TOX: variants seen among roughly 807,000 people sequenced by gnomAD.
The protein encoded by TOX is thymocyte selection associated high mobility group box.
In TOX, 11 loss-of-function variants were observed where a neutral mutation model predicts 53.7. The ratio of observed to expected loss-of-function variants is 0.20; its 90% CI spans 0.13 to 0.34. The LOEUF (loss-of-function observed/expected upper bound fraction) is 0.34. Among genes scored for constraint, TOX ranks in the 10% least tolerant of loss-of-function variants. The pLI, the probability that TOX is intolerant of heterozygous loss-of-function variation, is 1.00. For missense variants in TOX, 570 were observed against 664.6 expected (o/e 0.86, Z 1.56); for synonymous variants, 225 against 245.3 (o/e 0.92, Z 0.77).
chr8:58,857,547 C>A (rs1212317604), intron 3 of TOX, among the ~76,000 whole-genome samples: 1 of 152,004 alleles, frequency 6.6e-6, no homozygotes, highest in Non-Finnish European at 1.5e-5. Context: ...CCAATTAATG[C>A]AAAACAAAAG....
chr8:58,931,453 C>T (rs1425082823), intron 3 of TOX, among the ~76,000 whole-genome samples: 1 of 152,192 alleles, frequency 6.6e-6, no homozygotes, highest in East Asian at 1.9e-4. Context: ...TAATAAATGT[C>T]AAATATTTGA....
intron 1 of TOX, among the ~76,000 whole-genome samples, chr8:58,980,087 A>C (rs781425035): frequency 2.6e-5 from 4 of 152,238 alleles, no homozygotes; most frequent in Non-Finnish European, 4.4e-5. Flanking sequence ...GCCATTTAAC[A>C]CAGGGGAATT....
At chr8:58,853,215 A>C (rs1488970179) in intron 3 of TOX, among the ~76,000 whole-genome samples, 1 of 152,160 alleles carries the variant, frequency 6.6e-6, no homozygotes, top group Admixed American at 6.5e-5. Context: ...GCACAGTTCA[A>C]GGTATCCTAG....
intron 3 of TOX, among the ~76,000 whole-genome samples, chr8:58,904,304 T>G (rs970939558): frequency 8.1e-6 from 1 of 124,124 alleles, no homozygotes; most frequent in African/African-American, 3.6e-5. Context: ...AGACGACATA[T>G]TTTTTTTTTT....
intron 3 of TOX, among the ~76,000 whole-genome samples, chr8:58,900,139 G>C (rs1208716167): frequency 6.6e-6 from 1 of 151,948 alleles, no homozygotes; most frequent in Non-Finnish European, 1.5e-5. Flanking sequence ...CCTGGCCCAG[G>C]CTTGAACCAA....
At chr8:58,918,787 A>T (rs1268146485) in intron 3 of TOX, among the ~76,000 whole-genome samples, 1 of 114,708 alleles carries the variant, frequency 8.7e-6, no homozygotes, top group African/African-American at 3.5e-5. Flanking sequence ...AGACGACATG[A>T]TTGTTTATCT....
intron 6 of TOX, among the ~76,000 whole-genome samples, chr8:58,826,558 T>C (rs571193983): frequency 7.9e-4 from 120 of 152,290 alleles, no homozygotes; most frequent in Non-Finnish European, 1.3e-3. Context: ...TGGCTCAGGT[T>C]GAAGAATGTA....
In TOX at chr8:59,118,933, GAGCGTCGGGCGC is replaced by G; in HGVS notation, c.43_54del (p.Ala15_Ala18del). 6.2e-7 allele frequency: 1 copy of G among 1,601,712 alleles called. No individual in the cohort carries two copies. The highest frequency in any genetic ancestry group is 8.5e-7 in the Non-Finnish European group (1 of 1,173,732). On this transcript the variant is annotated inframe_deletion, in exon 1 of 9. Transcript: ENST00000361421. The surrounding 1 kb of genome is among the most constrained non-coding windows in gnomAD (Gnocchi z 4.1). ...AGGCAGGGAGAAGGTCCCAGACAGG[GAGCGTCGGGCGC>G]AGCGGCGGGCTGGGCTGGAGGTGGA...
intron 4 of TOX, among the ~76,000 whole-genome samples, chr8:58,838,901 C>T (rs1810595770): frequency 6.6e-6 from 1 of 151,956 alleles, no homozygotes; most frequent in Non-Finnish European, 1.5e-5. Flanking sequence ...GGGTTTTCAC[C>T]ATGTTGGCCA....
At chr8:58,997,744 A>T (rs1369431844) in intron 1 of TOX, among the ~76,000 whole-genome samples, 1 of 152,162 alleles carries the variant, frequency 6.6e-6, no homozygotes, top group Non-Finnish European at 1.5e-5. Context: ...TTAAATTTAT[A>T]TATTATTTAT....
intron 7 of TOX, among the ~76,000 whole-genome samples, chr8:58,812,093 G>GTT (rs1018974824): frequency 2.0e-5 from 3 of 152,170 alleles, no homozygotes; most frequent in African/African-American, 7.2e-5. Flanking sequence ...GCATAAAGGT[G>GTT]TTTTGAATGA....
intron 1 of TOX, among the ~76,000 whole-genome samples, chr8:59,110,190 T>A (rs1350706852): frequency 6.6e-6 from 1 of 152,142 alleles, no homozygotes; most frequent in African/African-American, 2.4e-5. Flanking sequence ...ATAAAATAAA[T>A]CATTAGCTTT....
At chr8:59,052,818 T>C (rs1803815436) in intron 1 of TOX, among the ~76,000 whole-genome samples, 1 of 152,196 alleles carries the variant, frequency 6.6e-6, no homozygotes, top group Admixed American at 6.5e-5. Context: ...ATTAAAGCTG[T>C]TAATACTTGC....
At chr8:59,030,200 T>C in intron 1 of TOX, among the ~76,000 whole-genome samples, 1 of 152,204 alleles carries the variant, frequency 6.6e-6, no homozygotes, top group East Asian at 1.9e-4. Context: ...TGTAGAGGTC[T>C]GCAAAAGTCA....
At chr8:58,897,674 T>C (rs947400440) in intron 3 of TOX, among the ~76,000 whole-genome samples, 1 of 151,070 alleles carries the variant, frequency 6.6e-6, no homozygotes, top group Non-Finnish European at 1.5e-5. Flanking sequence ...TAGATGGCTG[T>C]AGAAGTGGGA....
At chr8:58,946,794 C>T (rs147894277) in intron 2 of TOX, among the ~76,000 whole-genome samples, 1 of 152,036 alleles carries the variant, frequency 6.6e-6, no homozygotes, top group East Asian at 1.9e-4. Flanking sequence ...GTGTAAGCAT[C>T]CTGCAAAGAG....
In TOX at chr8:58,815,358, G is replaced by A; in HGVS notation, c.1372C>T (p.His458Tyr). Residue 458 changes from histidine (H) to tyrosine (Y), a missense_variant, in exon 7 of 9, where the codon CAC (histidine) becomes TAC (tyrosine). Coordinates refer to ENST00000361421, the MANE Select transcript of TOX (RefSeq NM_014729.3). ...CTTACTTGCTGCATGGTGGGTGAGT[G>A]TAAGGCAGACTGGACCTGCATGGGG... Reference protein sequence around the residue: ...QLPMQVQSALHSPTMQQGFTL... With the variant: ...QLPMQVQSALYSPTMQQGFTL... 6.2e-7 allele frequency: 1 copy of A among 1,606,202 alleles called. No homozygotes were observed. The highest frequency in any genetic ancestry group is 1.1e-5 in the South Asian group (1 of 89,258).
intron 3 of TOX, among the ~76,000 whole-genome samples, chr8:58,913,383 C>A (rs1811940619): frequency 6.6e-6 from 1 of 152,124 alleles, no homozygotes; most frequent in African/African-American, 2.4e-5. Flanking sequence ...TTTTGGCATG[C>A]CTTCACTTCC....
intron 2 of TOX, 109 bp from the exon 3 acceptor site, chr8:58,939,653 G>A: frequency 7.0e-7 from 1 of 1,437,888 alleles, no homozygotes; most frequent in Non-Finnish European, 9.3e-7. Context: ...ATATGGATTT[G>A]GCAAAGACAT....
Sources: gnomAD v4.1 joint callset for allele counts (sites outside exome capture counted in the v4.1 genomes callset) on GRCh38, gnomAD v4.1.1 for gene constraint, Gnocchi (gnomAD v3.1) non-coding constraint, MANE v1.5 for transcripts, NCBI Gene and HGNC (gene_info 2026-07-23, HGNC 2026-07-21) for gene names.